Variants in SLC11A2 observed in about 807,000 individuals in gnomAD.
The protein encoded by SLC11A2 is solute carrier family 11 member 2, also known as natural resistance-associated macrophage protein 2.
In SLC11A2, 38 loss-of-function variants were observed where a neutral mutation model predicts 68.0. The observed-to-expected ratio is 0.56, with a 90% CI of 0.43 to 0.73. The LOEUF (loss-of-function observed/expected upper bound fraction) is 0.73. Among genes scored for constraint, SLC11A2 ranks in the 30% least tolerant of loss-of-function variants. The pLI, the probability that SLC11A2 is intolerant of heterozygous loss-of-function variation, is 0.00. For missense variants in SLC11A2, 517 were observed against 690.5 expected (o/e 0.75, Z 2.82); for synonymous variants, 242 against 250.6 (o/e 0.97, Z 0.32).
the SLC11A2 span, among the ~76,000 whole-genome samples, chr12:50,955,228 G>A: frequency 1.3e-5 from 2 of 152,296 alleles, no homozygotes; most frequent in African/African-American, 4.8e-5. Context: ...GGGAGGTAGA[G>A]GTTGGGTGCA....
At chr12:50,960,930 T>G in the SLC11A2 span, 2 of 1,528,402 alleles carry the variant, frequency 1.3e-6, no homozygotes, top group Non-Finnish European at 1.8e-6. Flanking sequence ...TGCTCCTGCC[T>G]CAGCCTTCCA....
At chr12:50,988,583 C>G in intron 15 of SLC11A2, 148 bp from the exon 16 acceptor site, 1 of 1,258,134 alleles carries the variant, frequency 7.9e-7, no homozygotes, top group South Asian at 1.4e-5. Flanking sequence ...AAGTCATTCT[C>G]TCAACCCCAC....
At chr12:50,963,594 G>A in the SLC11A2 span, among the ~76,000 whole-genome samples, 2 of 152,092 alleles carry the variant, frequency 1.3e-5, no homozygotes, top group South Asian at 4.1e-4. Context: ...AGGGGTCAGA[G>A]AAGGTGAAGG....
rs182125518 is a variant in SLC11A2 at position 50,987,373 on chromosome 12, C to T, written c.*952G>A. The T allele has an allele frequency of 1.2e-5, 15 of 1,287,234 alleles. No homozygotes were observed. In the Admixed American group the frequency reaches 1.8e-4, roughly 16 times the overall value. The allele number at this position is 1,287,234 out of a possible 1,614,324, so 79.7% of individuals were successfully genotyped here. On this transcript the variant is annotated 3_prime_UTR_variant, in exon 16 of 16. Coordinates refer to ENST00000262052, the MANE Select transcript of SLC11A2 (RefSeq NM_000617.3). ...AGAGCGGTGCATCAGAAAAACATGA[C>T]GATTCTGCTGAGAGGTGGCTTTAGG...
the SLC11A2 span, among the ~76,000 whole-genome samples, chr12:50,957,980 G>GTGTGTC: frequency 7.1e-6 from 1 of 140,468 alleles, no homozygotes; most frequent in Non-Finnish European, 1.6e-5. Context: ...GTGTGTGTGT[G>GTGTGTC]TGTGTAGTAG....
chr12:51,004,460 G>A (rs893811446), intron 5 of SLC11A2, among the ~76,000 whole-genome samples: 2 of 152,176 alleles, frequency 1.3e-5, no homozygotes, highest in Non-Finnish European at 2.9e-5. Flanking sequence ...GAGTAACATG[G>A]AGGTATGAAT....
At chr12:51,014,595 T>C (rs1258881542) in intron 1 of SLC11A2, among the ~76,000 whole-genome samples, 2 of 152,230 alleles carry the variant, frequency 1.3e-5, no homozygotes, top group Non-Finnish European at 2.9e-5. Flanking sequence ...CTCACGTCTC[T>C]AATCCCACCA....
Position 50,987,268 on chromosome 12 carries a change from G to A in SLC11A2, c.*1057C>T, listed in dbSNP as rs767436028. ...TAACACCTACTGACTTGCAGAGAAC[G>A]CTGAGAAAGACAGTGTGCTTTGCAA... On this transcript the variant is annotated 3_prime_UTR_variant, in exon 16 of 16. Transcript: ENST00000262052. 89 of 1,287,196 alleles carry A rather than the reference G, an allele frequency of 6.9e-5. 1 individual carries two copies. In the African/African-American group the frequency reaches 8.3e-4, roughly 12 times the overall value. The allele number at this position is 1,287,196 out of a possible 1,614,324, so 79.7% of individuals were successfully genotyped here.
At chr12:51,008,937 A>C (rs556860110) in intron 2 of SLC11A2, among the ~76,000 whole-genome samples, 5 of 151,606 alleles carry the variant, frequency 3.3e-5, no homozygotes, top group Admixed American at 6.6e-5. Context: ...CCACACTTCT[A>C]CTCCTACTTG....
chr12:51,000,318 T>C lies in SLC11A2; in HGVS notation c.531A>G (p.Val177=). 1 of 1,610,190 alleles carries C rather than the reference T, an allele frequency of 6.2e-7. No homozygotes were observed. Among genetic ancestry groups the C allele is most frequent in the African/African-American group, 1.3e-5 (1 of 74,994 alleles). The part of the protein sequence containing the change: ...GSAIAINLLS[V]GRIPLWGGVL... The stretch of plus-strand genomic sequence containing the variant: ...TCTAGAGGAAAACCCCTCACCTTCC[T>C]ACAGACAGAAGATTGATAGCAATGG... Residue 177 remains valine (V), a synonymous_variant, in exon 6 of 16, where the codon GTA becomes GTG. Transcript: ENST00000262052.
At chr12:51,020,156 G>A (rs955581964) in intron 1 of SLC11A2, among the ~76,000 whole-genome samples, 1 of 151,390 alleles carries the variant, frequency 6.6e-6, no homozygotes, top group African/African-American at 2.4e-5. Context: ...AGGCTCAAGT[G>A]ATCCTCCCAC....
intron 1 of SLC11A2, chr12:51,024,777 T>C (rs77751466): frequency 6.6e-6 from 1 of 152,338 alleles, no homozygotes; most frequent in Non-Finnish European, 1.5e-5. Context: ...CCACTGCTGA[T>C]TTCCTAACAT....
At chr12:51,004,991 G>A in intron 4 of SLC11A2, 84 bp from the exon 5 acceptor site, 1 of 1,501,840 alleles carries the variant, frequency 6.7e-7, no homozygotes, top group Non-Finnish European at 9.2e-7. Flanking sequence ...GGCAACATGA[G>A]TGGTAAATAC....
chr12:51,026,635 G>A (rs1944408735), upstream of SLC11A2, among the ~76,000 whole-genome samples: 2 of 152,198 alleles, frequency 1.3e-5, no homozygotes, highest in South Asian at 4.1e-4. Context: ...GGGAGCTCCA[G>A]TCCGCTAGCA....
chr12:51,027,262 C>A (rs537947393), upstream of SLC11A2, among the ~76,000 whole-genome samples: 1 of 152,176 alleles, frequency 6.6e-6, no homozygotes, highest in Admixed American at 6.5e-5. Flanking sequence ...TCACTTGGGC[C>A]TGGGAGGTGG....
intron 5 of SLC11A2, among the ~76,000 whole-genome samples, chr12:51,002,638 C>CAAAAAA (rs755823057): frequency 1.4e-5 from 1 of 71,774 alleles, no homozygotes; most frequent in Non-Finnish European, 2.5e-5. Flanking sequence ...GACTTGGTCT[C>CAAAAAA]AAAAAAAAAA....
At chr12:51,023,417 A>T (rs1040104080) in intron 1 of SLC11A2, among the ~76,000 whole-genome samples, 1 of 152,254 alleles carries the variant, frequency 6.6e-6, no homozygotes, top group African/African-American at 2.4e-5. Context: ...ACTGCACTCC[A>T]GCCTGGGCAA....
Position 50,986,530 on chromosome 12 carries a change from C to T in SLC11A2, c.*1795G>A, listed in dbSNP as rs750648046. 884 of 1,282,822 alleles carry T rather than the reference C, an allele frequency of 6.9e-4. 2 individuals carry two copies. The highest frequency in any genetic ancestry group is 8.7e-4 in the Non-Finnish European group (858 of 984,636). 79.5% of individuals were successfully genotyped at this position (1,282,822 alleles called of 1,614,324 possible). On this transcript the variant is annotated 3_prime_UTR_variant, in exon 16 of 16. Coordinates refer to ENST00000262052, the MANE Select transcript of SLC11A2 (RefSeq NM_000617.3). ...CTGAGACTGACTGGACCCACCCAGA[C>T]CCAGGGCAAAGATACATGTTACCAT...
chr12:50,986,437 C>T lies in SLC11A2; in HGVS notation c.*1888G>A. ...AATTGGAAGGAGTTTTCTATCATTG[C>T]AAGTCATAAATATAACTTTTAAAAG... On this transcript the variant is annotated 3_prime_UTR_variant, in exon 16 of 16. Coordinates refer to ENST00000262052, the MANE Select transcript of SLC11A2 (RefSeq NM_000617.3). 1 of 1,284,322 alleles carries T rather than the reference C, an allele frequency of 7.8e-7. No homozygotes were observed. The highest frequency in any genetic ancestry group is 1.0e-6 in the Non-Finnish European group (1 of 986,374). The allele number at this position is 1,284,322 out of a possible 1,614,324, so 79.6% of individuals were successfully genotyped here.
Sources: allele counts gnomAD v4.1 joint callset (sites outside exome capture counted in the v4.1 genomes callset), GRCh38; gene constraint gnomAD v4.1.1; transcripts MANE v1.5; gene names NCBI Gene and HGNC (gene_info 2026-07-23, HGNC 2026-07-21).